PEX11B: variants seen among roughly 807,000 people sequenced by gnomAD.
PEX11B encodes the protein peroxisomal membrane protein 11B.
A neutral mutation model predicts 28.2 loss-of-function variants in PEX11B; 18 were observed. That is an observed-to-expected ratio of 0.64 (90% CI 0.44 to 0.95). The LOEUF (loss-of-function observed/expected upper bound fraction) is 0.95, where lower values mean the gene tolerates loss of function less well. PEX11B is among the 40% of genes least tolerant of loss of function. The pLI is 0.00. For synonymous variants in PEX11B, 128 were observed against 128.7 expected, an observed-to-expected ratio of 0.99 and a Z score of 0.04; for missense variants, 305 against 319.8, an observed-to-expected ratio of 0.95 and a Z score of 0.35.
At chr1:145,917,602 G>A (rs1553754114) in intron 2 of PEX11B, 99 bp downstream of exon 2, 2 of 744,032 alleles carry the variant, frequency 2.7e-6, no homozygotes, top group Non-Finnish European at 4.8e-6. Context: ...AGCCAAATGA[G>A]AAAGAAGAAC....
intron 3 of PEX11B, among the ~76,000 whole-genome samples, chr1:145,912,982 G>A (rs1018774064): frequency 2.0e-5 from 3 of 151,884 alleles, no homozygotes; most frequent in Non-Finnish European, 4.4e-5. Flanking sequence ...CAGCTACTTG[G>A]GAGGCTGAGG....
chr1:145,916,142 G>A (rs1233619805), intron 3 of PEX11B, among the ~76,000 whole-genome samples: 2 of 152,066 alleles, frequency 1.3e-5, no homozygotes, highest in African/African-American at 4.8e-5. Flanking sequence ...CAATCACACT[G>A]GCTTTCTTTC....
At chr1:145,916,664 C>T (rs1385305152) in intron 3 of PEX11B, among the ~76,000 whole-genome samples, 153 bp downstream of exon 3, 2 of 152,058 alleles carry the variant, frequency 1.3e-5, no homozygotes, top group African/African-American at 2.4e-5. Context: ...TGATATTCTC[C>T]GATAGTTTAA....
intron 3 of PEX11B, 138 bp from the exon 4 acceptor site, chr1:145,912,704 A>G (rs1468882209): frequency 7.2e-6 from 4 of 552,214 alleles, no homozygotes; most frequent in East Asian, 6.0e-5. Flanking sequence ...TATTACCCCT[A>G]TTAGAAATGT....
chr1:145,913,543 C>T (rs587602968), intron 3 of PEX11B, among the ~76,000 whole-genome samples: 1 of 151,278 alleles, frequency 6.6e-6, no homozygotes, highest in Non-Finnish European at 1.5e-5. Context: ...ACTCCATGAG[C>T]ATCATGAAAT....
rs782256144 is a variant in PEX11B at position 145,912,310 on chromosome 1, C to T, written c.631G>A (p.Val211Met). Reference sequence around the variant, plus strand: ...AAGAGATCACAGGCATTTCTGACCACGTCTAGCAGAAGTGGGGGATGACCT... The same window carrying T: ...AAGAGATCACAGGCATTTCTGACCATGTCTAGCAGAAGTGGGGGATGACCT... ...LRGHPPLLLD[V>M]VRNACDLFIP... Residue 211 changes from valine (V) to methionine (M), a missense_variant, in exon 4 of 4, where the codon GTG (valine) becomes ATG (methionine). By Grantham distance (21) the Val-to-Met change is conservative. Coordinates refer to ENST00000369306, the MANE Select transcript of PEX11B (RefSeq NM_003846.3). 17 of 1,613,944 alleles carry T rather than the reference C, an allele frequency of 1.1e-5. No homozygotes were observed. The highest frequency in any genetic ancestry group is 9.4e-5 in the African/African-American group (7 of 74,866).
Position 145,912,333 on chromosome 1 carries a change from C to T in PEX11B, c.608G>A (p.Gly203Asp). 1 of 1,613,988 alleles carries T rather than the reference C, an allele frequency of 6.2e-7. No homozygotes were observed. The highest frequency in any genetic ancestry group is 8.5e-7 in the Non-Finnish European group (1 of 1,179,958). ...QVLLLARVLR[G>D]HPPLLLDVVR... ...CACGTCTAGCAGAAGTGGGGGATGA[C>T]CTCTAAGGACTCGAGCCAGGAGCAG... Residue 203 changes from glycine (G) to aspartate (D), a missense_variant, in exon 4 of 4, where the codon GGT (glycine) becomes GAT (aspartate). Physicochemically the swap from Gly to Asp is moderately conservative, Grantham distance 94. Coordinates refer to ENST00000369306, the MANE Select transcript of PEX11B (RefSeq NM_003846.3).
At chr1:145,914,518 CATT>C (rs1375402006) in intron 3 of PEX11B, among the ~76,000 whole-genome samples, 1 of 152,190 alleles carries the variant, frequency 6.6e-6, no homozygotes, top group African/African-American at 2.4e-5. Flanking sequence ...TACCTTGTAT[CATT>C]CTTTCCTGCA....
chr1:145,912,346 G>A lies in PEX11B; in HGVS notation c.595C>T (p.Arg199Ter), dbSNP rs781984979. Residue 199 changes from arginine (R) to a stop codon, truncating the protein, a stop_gained, in exon 4 of 4, where the codon CGA (arginine) becomes TGA (stop). Transcript: ENST00000369306. LOFTEE classifies it high-confidence loss of function. ...AGTGGGGGATGACCTCTAAGGACTC[G>A]AGCCAGGAGCAGGACTTGCAGCCGA... ...KLRLQVLLLARVLRGHPPLLL... is the reference protein window; with the variant it reads ...KLRLQVLLLA The A allele has an allele frequency of 9.9e-6, 16 of 1,613,552 alleles. No homozygotes were observed. The highest frequency in any genetic ancestry group is 2.2e-5 in the East Asian group (1 of 44,866).
chr1:145,918,682 C>G lies in PEX11B; in HGVS notation c.7G>C (p.Ala3Pro), dbSNP rs782329300. The change falls in exon 1 of 4, where the codon GCC becomes CCC. Residue 3 changes from alanine to proline, a missense_variant. Transcript: ENST00000369306. The stretch of plus-strand genomic sequence containing the variant: ...CTCTGAGCACTGAAGCGGACCCAGG[C>G]GTCCATGACAGCCGCAGCCCAGGCT... MD[A>P]WVRFSAQSQA... 6.3e-7 allele frequency: 1 copy of G among 1,580,404 alleles called. No individual in the cohort carries two copies. The highest frequency in any genetic ancestry group is 8.6e-7 in the Non-Finnish European group (1 of 1,163,854).
At chr1:145,917,067 G>T in intron 2 of PEX11B, 49 bp from the exon 3 acceptor site, 1 of 1,205,590 alleles carries the variant, frequency 8.3e-7, no homozygotes. Context: ...TGGAGAGGCA[G>T]ATAACAAGAA....
intron 1 of PEX11B, 49 bp from the exon 2 acceptor site, chr1:145,917,865 G>A: frequency 8.2e-6 from 12 of 1,471,288 alleles, no homozygotes; most frequent in Non-Finnish European, 1.0e-5. Context: ...CTAACCTTCC[G>A]CTCAAAACTA....
intron 1 of PEX11B, 130 bp from the exon 2 acceptor site, chr1:145,917,946 A>C: frequency 7.0e-7 from 1 of 1,418,772 alleles, no homozygotes; most frequent in Non-Finnish European, 9.3e-7. Flanking sequence ...CTCCATGCCC[A>C]TATCTCACCA....
intron 1 of PEX11B, 23 bp downstream of exon 1, chr1:145,918,610 C>T (rs782750677): frequency 1.3e-6 from 2 of 1,589,948 alleles, no homozygotes; most frequent in Admixed American, 3.6e-5. Flanking sequence ...CCCGCCCCAC[C>T]CCCATTCCTA....
intron 3 of PEX11B, 28 bp from the exon 4 acceptor site, chr1:145,912,594 AG>A: frequency 5.6e-6 from 8 of 1,434,168 alleles, no homozygotes; most frequent in Non-Finnish European, 6.5e-6. Context: ...AGGGTCAGTA[AG>A]GGCATGTATA....
chr1:145,914,315 A>G (rs1647262605), intron 3 of PEX11B, among the ~76,000 whole-genome samples: 2 of 150,822 alleles, frequency 1.3e-5, no homozygotes, highest in South Asian at 4.3e-4. Flanking sequence ...TGGACGTTGC[A>G]GTGAGCTGAG....
At chr1:145,916,488 C>A (rs781906978) in intron 3 of PEX11B, among the ~76,000 whole-genome samples, 1 of 152,154 alleles carries the variant, frequency 6.6e-6, no homozygotes, top group African/African-American at 2.4e-5. Flanking sequence ...TTATCCCCTG[C>A]GCCACAGTAA....
intron 3 of PEX11B, among the ~76,000 whole-genome samples, chr1:145,912,919 C>A (rs782282237): frequency 7.9e-5 from 12 of 152,056 alleles, no homozygotes; most frequent in Non-Finnish European, 1.6e-4. Context: ...GAAACCCCGT[C>A]CCTACTAAAA....
In PEX11B at chr1:145,912,174, C is replaced by CG. The variant is rs1657823944; in HGVS notation, c.766dup (p.Arg256ProfsTer57). ...TGTACCGGAAGGTCAGGGCTTGAGT[C>CG]GTAGCCAGGGATAGATTAGGGTGAG... On this transcript the variant is annotated frameshift_variant, in exon 4 of 4. Coordinates refer to ENST00000369306, the MANE Select transcript of PEX11B (RefSeq NM_003846.3). LOFTEE classifies it high-confidence loss of function. The CG allele has an allele frequency of 1.9e-6, 3 of 1,604,650 alleles. No homozygotes were observed. In the South Asian group the frequency reaches 3.4e-5, roughly 18 times the overall value.
Sources: gnomAD v4.1 joint callset for allele counts (sites outside exome capture counted in the v4.1 genomes callset) on GRCh38, gnomAD v4.1.1 for gene constraint, MANE v1.5 for transcripts, NCBI Gene and HGNC (gene_info 2026-07-23, HGNC 2026-07-21) for gene names.